The following PLXDC2 variants were observed in gnomAD, a reference collection of about 807,000 sequenced individuals.
PLXDC2 encodes the protein plexin domain-containing protein 2.
PLXDC2 carries 40 observed loss-of-function variants against 68.9 expected under a neutral mutation model. The observed-to-expected ratio is 0.58, with a 90% CI of 0.45 to 0.76. The LOEUF (loss-of-function observed/expected upper bound fraction) is 0.76. Among genes scored for constraint, PLXDC2 ranks in the 30% least tolerant of loss-of-function variants. The pLI, the probability that PLXDC2 is intolerant of heterozygous loss-of-function variation, is 0.00. For missense variants in PLXDC2, 644 were observed against 661.9 expected, an observed-to-expected ratio of 0.97 and a Z score of 0.30; for synonymous variants, 243 against 234.2, an observed-to-expected ratio of 1.04 and a Z score of -0.34.
At chr10:19,874,941 C>T (rs1837606378) in intron 1 of PLXDC2, among the ~76,000 whole-genome samples, 1 of 152,102 alleles carries the variant, frequency 6.6e-6, no homozygotes. Flanking sequence ...GGAATGTAAC[C>T]TACTTATGAC....
At chr10:19,824,805 A>G (rs1211201322) in intron 1 of PLXDC2, among the ~76,000 whole-genome samples, 1 of 152,164 alleles carries the variant, frequency 6.6e-6, no homozygotes, top group Non-Finnish European at 1.5e-5. Context: ...TTTCATATTT[A>G]TTGTTTGGTT....
At position 19,817,044 on chromosome 10, in the gene PLXDC2, G is replaced by T. The variant is rs1836357790; in HGVS notation, c.-36G>T. ...CGGGAGCCCCCGAGCACCGGCGAAG[G>T]ACTGGCGGGTGGGGTAGGGAGGTGG... On this transcript the variant is annotated 5_prime_UTR_variant, in exon 1 of 14. Transcript: ENST00000377252. 6.8e-7 allele frequency: 1 copy of T among 1,467,350 alleles called. No individual in the cohort carries two copies. Among genetic ancestry groups the T allele is most frequent in the South Asian group, 1.3e-5 (1 of 77,484 alleles). The allele number at this position is 1,467,350 out of a possible 1,614,324, so 90.9% of individuals were successfully genotyped here.
intron 12 of PLXDC2, among the ~76,000 whole-genome samples, 176 bp from the exon 13 acceptor site, chr10:20,245,169 G>T (rs1338918244): frequency 1.3e-5 from 2 of 152,142 alleles, no homozygotes; most frequent in Non-Finnish European, 2.9e-5. Context: ...GAATCCTATG[G>T]ATTCTTCATT....
intron 1 of PLXDC2, among the ~76,000 whole-genome samples, chr10:19,846,122 A>C (rs1353462908): frequency 6.6e-6 from 1 of 152,148 alleles, no homozygotes; most frequent in Non-Finnish European, 1.5e-5. Context: ...CTTGAGTCCA[A>C]CCTTTCACTT....
chr10:19,941,475 G>C lies in PLXDC2; in HGVS notation c.113-60300G>C, dbSNP rs969983699. On this transcript the variant is annotated intron_variant, in intron 1 of 13. Transcript: ENST00000377252. The stretch of plus-strand genomic sequence containing the variant: ...CAAGATATGATGGGCAGAGCATTTT[G>C]TTGGCACATTGCTGGCTTCCAAGGT... Among the ~76,000 whole-genome samples the C allele has an allele frequency of 2.0e-5, 3 of 152,208 alleles. No homozygotes were observed. In the East Asian group the frequency reaches 5.8e-4, roughly 29 times the overall value.
chr10:20,278,870 T>C (rs534703512), intron 13 of PLXDC2, among the ~76,000 whole-genome samples: 1 of 152,340 alleles, frequency 6.6e-6, no homozygotes, highest in East Asian at 1.9e-4. Context: ...TAGTTTCTAG[T>C]GTCACTATGG....
At chr10:19,843,228 T>A (rs1331111509) in intron 1 of PLXDC2, among the ~76,000 whole-genome samples, 1 of 152,136 alleles carries the variant, frequency 6.6e-6, no homozygotes, top group Non-Finnish European at 1.5e-5. Context: ...AACATGCTTT[T>A]CATTGCTGCA....
At chr10:20,241,017 C>T (rs956595735) in intron 12 of PLXDC2, among the ~76,000 whole-genome samples, 2 of 152,062 alleles carry the variant, frequency 1.3e-5, no homozygotes, top group Admixed American at 1.3e-4. Context: ...TTAAAATAAT[C>T]GTCATCCAAA....
chr10:20,170,071 A>G (rs1275521107), intron 7 of PLXDC2, among the ~76,000 whole-genome samples: 1 of 152,214 alleles, frequency 6.6e-6, no homozygotes, highest in Non-Finnish European at 1.5e-5. Context: ...TAAAACTGAC[A>G]ACTAGCAGAG....
intron 4 of PLXDC2, among the ~76,000 whole-genome samples, chr10:20,075,018 C>G (rs1004144547): frequency 1.3e-5 from 2 of 152,054 alleles, no homozygotes; most frequent in Non-Finnish European, 2.9e-5. Context: ...TCAAGGATTC[C>G]TAGAGAGAAA....
Position 20,286,651 on chromosome 10 carries a change from G to T in PLXDC2, c.*6832G>T, listed in dbSNP as rs896728616. ...ATTTTAGGGGAAAGTATAAACCTAA[G>T]AGTGAGTGAATGGAGATGATTCATG... On this transcript the variant is annotated 3_prime_UTR_variant, in exon 14 of 14. Coordinates refer to ENST00000377252, the MANE Select transcript of PLXDC2 (RefSeq NM_032812.9). 6.6e-6 allele frequency: 1 copy of T among 152,106 alleles called. No homozygotes were observed. Among genetic ancestry groups the T allele is most frequent in the East Asian group, 1.9e-4 (1 of 5,194 alleles). The allele number at this position is 152,106 out of a possible 1,614,324, so 9.4% of individuals were successfully genotyped here.
At chr10:20,218,186 C>T (rs914083677) in intron 11 of PLXDC2, among the ~76,000 whole-genome samples, 36 of 151,972 alleles carry the variant, frequency 2.4e-4, no homozygotes, top group Non-Finnish European at 7.4e-5. Context: ...ACCCAACATA[C>T]GATAATTTTC....
At chr10:20,133,887 A>C (rs921697445) in intron 4 of PLXDC2, among the ~76,000 whole-genome samples, 1 of 151,834 alleles carries the variant, frequency 6.6e-6, no homozygotes, top group African/African-American at 2.4e-5. Context: ...GGCTTTCTTT[A>C]CTCTTTTAAA....
chr10:20,113,438 A>G (rs1833583423), intron 4 of PLXDC2, among the ~76,000 whole-genome samples: 1 of 152,148 alleles, frequency 6.6e-6, no homozygotes, highest in Admixed American at 6.5e-5. Flanking sequence ...CCAATAAGCC[A>G]TCAGGACGTT....
At chr10:19,906,218 G>GTGT (rs1341408250) in intron 1 of PLXDC2, among the ~76,000 whole-genome samples, 1 of 152,082 alleles carries the variant, frequency 6.6e-6, no homozygotes, top group East Asian at 1.9e-4. Context: ...TGTAAGATGT[G>GTGT]TGTTATTATT....
chr10:20,252,869 T>G (rs1465317494), intron 13 of PLXDC2, among the ~76,000 whole-genome samples: 3 of 152,230 alleles, frequency 2.0e-5, no homozygotes, highest in East Asian at 3.8e-4. Context: ...TGTTGCCTTT[T>G]TTAATTGCTT....
chr10:20,182,197 T>A (rs1400065748), intron 9 of PLXDC2, among the ~76,000 whole-genome samples: 1 of 151,786 alleles, frequency 6.6e-6, no homozygotes, highest in Non-Finnish European at 1.5e-5. Context: ...CATGTAACCA[T>A]CACCACATCA....
chr10:20,096,332 A>T (rs915328412), intron 4 of PLXDC2, among the ~76,000 whole-genome samples: 1 of 152,196 alleles, frequency 6.6e-6, no homozygotes, highest in African/African-American at 2.4e-5. Flanking sequence ...CTTATAGATA[A>T]TAAAATCACG....
At chr10:20,263,862 A>G (rs151101968) in intron 13 of PLXDC2, among the ~76,000 whole-genome samples, 246 of 152,258 alleles carry the variant, frequency 1.6e-3, no homozygotes, top group African/African-American at 5.6e-3. Flanking sequence ...CCCTTTTTGC[A>G]CTGTTTGTGG....
Sources: allele counts gnomAD v4.1 joint callset (sites outside exome capture counted in the v4.1 genomes callset), GRCh38; gene constraint gnomAD v4.1.1; transcripts MANE v1.5; gene names NCBI Gene and HGNC (gene_info 2026-07-23, HGNC 2026-07-21).